Variants in C6orf62 observed in about 807,000 individuals in gnomAD.
C6orf62 encodes chromosome 6 open reading frame 62, also known as uncharacterized protein C6orf62.
C6orf62 carries 16 observed loss-of-function variants against 26.8 expected under a neutral mutation model. The ratio of observed to expected loss-of-function variants is 0.60; its 90% CI spans 0.40 to 0.91. The LOEUF is 0.91. Ranked by LOEUF, C6orf62 falls within the 40% of genes least tolerant of loss-of-function variation. The pLI, the probability that C6orf62 is intolerant of heterozygous loss-of-function variation, is 0.00. For missense variants in C6orf62, 192 were observed against 271.4 expected (o/e 0.71, Z 2.06); for synonymous variants, 112 against 91.5 (o/e 1.22, Z -1.28).
upstream of C6orf62, chr6:24,720,290 G>A: frequency 1.5e-6 from 2 of 1,306,736 alleles, no homozygotes; most frequent in Non-Finnish European, 1.9e-6. Flanking sequence ...GGAAGAGGCG[G>A]CGGCGGCGGG....
intron 4 of C6orf62, chr6:24,706,722 G>C (rs1779017827): frequency 6.4e-6 from 1 of 156,204 alleles, no homozygotes; most frequent in Non-Finnish European, 1.4e-5. Context: ...GACCATTCTG[G>C]GCAACATGAC....
At chr6:24,719,651 G>A (rs1779314045), upstream of C6orf62, 6 of 1,444,578 alleles carry the variant, frequency 4.2e-6, no homozygotes, top group Non-Finnish European at 5.4e-6. Flanking sequence ...CCCCCAGCCT[G>A]CAACTAGTCC....
upstream of C6orf62, chr6:24,720,118 T>C: frequency 1.5e-6 from 2 of 1,342,922 alleles, no homozygotes; most frequent in African/African-American, 1.6e-5. Flanking sequence ...GGGTCGTTAG[T>C]TGTTTCCCGA....
chr6:24,720,031 CA>C (rs1779323404), upstream of C6orf62: 1 of 1,490,490 alleles, frequency 6.7e-7, no homozygotes, highest in Non-Finnish European at 8.9e-7. Flanking sequence ...ACCCTCCCCC[CA>C]AAAAATTAAG....
Position 24,714,943 on chromosome 6 carries a change from G to A in C6orf62, c.307-503C>T, listed in dbSNP as rs552614658. On this transcript the variant is annotated intron_variant, in intron 2 of 4. Transcript: ENST00000378119. ...CTAATTTTAATTTTTATCTTACAGA[G>A]AGTCACATACACTCAGTCCAATGCT... Among the ~76,000 whole-genome samples, 39 of 152,158 alleles carry A rather than the reference G, an allele frequency of 2.6e-4. No individual in the cohort carries two copies. The South Asian group carries it at 6.9e-3, about 27-fold the overall frequency.
rs946019734 is a variant in C6orf62 at position 24,709,916 on chromosome 6, G to A, written c.430-1005C>T. ...TTCAAACAAATTTTATTGCCGTTAC[G>A]TCAAAAACAGTAGGAAATAATAACA... On this transcript the variant is annotated intron_variant, in intron 3 of 4. Coordinates refer to ENST00000378119, the MANE Select transcript of C6orf62 (RefSeq NM_030939.5). 22 of 985,300 alleles carry A rather than the reference G, an allele frequency of 2.2e-5. No homozygotes were observed. The Middle Eastern group carries it at 1.5e-3, about 69-fold the overall frequency. The allele number at this position is 985,300 out of a possible 1,614,324, so 61.0% of individuals were successfully genotyped here. A position where few individuals can be genotyped will look rare whatever the true frequency, so the allele number is the denominator to read the frequency against.
At chr6:24,717,767 T>C (rs1258529361) in intron 1 of C6orf62, among the ~76,000 whole-genome samples, 1 of 152,262 alleles carries the variant, frequency 6.6e-6, no homozygotes, top group African/African-American at 2.4e-5. Context: ...AGCACTTCCT[T>C]ACATTCATAA....
rs377415125 is a variant in C6orf62 at position 24,706,143 on chromosome 6, T to A, written c.684A>T (p.Pro228=). 1.0e-4 allele frequency: 161 copies of A among 1,614,188 alleles called. 1 individual carries two copies. In the South Asian group the frequency reaches 1.4e-3, roughly 14 times the overall value. The part of the protein sequence containing the change: ...TIEDHLRPYM[P]E ...CATTTTGCTGGTCAGTACTCTACTC[T>A]GGCATATAAGGACGGAGGTGATCCT... Residue 228 remains proline (P), a synonymous_variant, in exon 5 of 5, where the codon CCA becomes CCT. Coordinates refer to ENST00000378119, the MANE Select transcript of C6orf62 (RefSeq NM_030939.5).
chr6:24,712,348 C>G (rs1161988652), intron 3 of C6orf62, among the ~76,000 whole-genome samples: 16 of 151,822 alleles, frequency 1.1e-4, no homozygotes, highest in Non-Finnish European at 1.5e-5. Context: ...CGCCACCACA[C>G]TCCAGCTTGG....
In C6orf62 at chr6:24,708,762, A is replaced by G; in HGVS notation, c.564+15T>C. ...TTGAATGAGCCTGTAAGTGGTTTTC[A>G]AAAAAGCTGCTTACCTGCAAGTGCT... is the stretch of plus-strand genomic sequence containing the variant. On this transcript the variant is annotated intron_variant, in intron 4 of 4. Coordinates refer to ENST00000378119, the MANE Select transcript of C6orf62 (RefSeq NM_030939.5). 1 of 1,614,068 alleles carries G rather than the reference A, an allele frequency of 6.2e-7. No homozygotes were observed. Among genetic ancestry groups the G allele is most frequent in the South Asian group, 1.1e-5 (1 of 91,068 alleles).
intron 1 of C6orf62, 21 bp from the exon 2 acceptor site, chr6:24,716,345 G>C: frequency 6.3e-7 from 1 of 1,592,184 alleles, no homozygotes; most frequent in South Asian, 1.1e-5. Flanking sequence ...AGAAAATGGT[G>C]TATTAACCCA....
intron 2 of C6orf62, among the ~76,000 whole-genome samples, 183 bp downstream of exon 2, chr6:24,715,965 T>G (rs748808175): frequency 2.4e-4 from 36 of 151,098 alleles, no homozygotes; most frequent in Non-Finnish European, 4.4e-4. Flanking sequence ...CGTGTTTTTC[T>G]AATCCTATAA....
rs1238467923 is a variant in C6orf62 at position 24,718,734 on chromosome 6, G to A, written c.-66C>T. On this transcript the variant is annotated 5_prime_UTR_variant, in exon 1 of 5. Coordinates refer to ENST00000378119, the MANE Select transcript of C6orf62 (RefSeq NM_030939.5). The stretch of plus-strand genomic sequence containing the variant: ...CTAAACTATGGGCACTTTTTCTTAA[G>A]ACTCAAGTACAACAGAAACAAGTCA... 3.6e-5 allele frequency: 57 copies of A among 1,596,194 alleles called. No individual in the cohort carries two copies. The highest frequency in any genetic ancestry group is 4.7e-5 in the Non-Finnish European group (55 of 1,176,008).
chr6:24,720,096 T>C (rs559470279), upstream of C6orf62: 383 of 1,396,380 alleles, frequency 2.7e-4, 2 homozygotes, highest in African/African-American at 4.3e-3. Context: ...AGAGTTTGGA[T>C]TGTTTAGGGT....
At chr6:24,720,384 A>G, upstream of C6orf62, 2 of 1,188,078 alleles carry the variant, frequency 1.7e-6, no homozygotes, top group South Asian at 7.3e-5. Context: ...TGCAGTGCGC[A>G]CCGTGACTGG....
intron 3 of C6orf62, chr6:24,709,714 A>G: frequency 1.0e-6 from 1 of 985,452 alleles, no homozygotes; most frequent in Non-Finnish European, 1.2e-6. Context: ...ACTCCCTTCA[A>G]TCTTTTAACA....
rs1779005998 is a variant in C6orf62 at position 24,706,211 on chromosome 6, G to A, written c.616C>T (p.Leu206=). 6.2e-7 allele frequency: 1 copy of A among 1,614,206 alleles called. No homozygotes were observed. Among genetic ancestry groups the A allele is most frequent in the African/African-American group, 1.3e-5 (1 of 75,056 alleles). The change falls in exon 5 of 5, where the codon CTG becomes TTG. Residue 206 remains leucine (L), a synonymous_variant. Transcript: ENST00000378119. ...CAGTGGGTGAGCTGTTCCTGTGGCA[G>A]GTAGAGGCAGATGCTGCATAACTTG... is the stretch of plus-strand genomic sequence containing the variant. The part of the protein sequence containing the change: ...IFKLCSICLY[L]PQEQLTHWAV...
chr6:24,714,485 G>A (rs758005221), intron 2 of C6orf62, 45 bp from the exon 3 acceptor site: 5 of 1,429,788 alleles, frequency 3.5e-6, no homozygotes, highest in Non-Finnish European at 3.8e-6. Context: ...TAAAGAAACA[G>A]CTACATCAAG....
intron 3 of C6orf62, 112 bp downstream of exon 3, chr6:24,714,206 T>C (rs1343442720): frequency 1.2e-6 from 1 of 811,598 alleles, no homozygotes; most frequent in Non-Finnish European, 1.9e-6. Flanking sequence ...GGGAGACTCG[T>C]GAAATAAAAC....
Sources: gnomAD v4.1 joint callset for allele counts (sites outside exome capture counted in the v4.1 genomes callset) on GRCh38, gnomAD v4.1.1 for gene constraint, MANE v1.5 for transcripts, NCBI Gene and HGNC (gene_info 2026-07-23, HGNC 2026-07-21) for gene names.